HM13: variants seen among roughly 807,000 people sequenced by gnomAD.
The protein encoded by HM13 is signal peptide peptidase.
HM13 carries 18 observed loss-of-function variants against 50.0 expected under a neutral mutation model. The observed-to-expected ratio is 0.36, with a 90% CI of 0.25 to 0.53. The LOEUF (loss-of-function observed/expected upper bound fraction) is 0.53. HM13 is among the 20% of genes least tolerant of loss of function. The pLI, the probability that HM13 is intolerant of heterozygous loss-of-function variation, is 0.90. For synonymous variants in HM13, 197 were observed against 232.6 expected, an observed-to-expected ratio of 0.85 and a Z score of 1.39; for missense variants, 393 against 552.4, an observed-to-expected ratio of 0.71 and a Z score of 2.89.
At chr20:31,549,754 A>G (rs115342134) in intron 6 of HM13, among the ~76,000 whole-genome samples, 1,708 of 152,326 alleles carry the variant, frequency 0.011, 29 homozygotes, top group African/African-American at 0.04. Context: ...TCCTGGCCCC[A>G]GGCAGCCTCT....
intron 1 of HM13, among the ~76,000 whole-genome samples, chr20:31,522,265 C>G (rs1982210155): frequency 6.6e-6 from 1 of 152,054 alleles, no homozygotes; most frequent in Non-Finnish European, 1.5e-5. Flanking sequence ...TCCTTGTACA[C>G]AAAGCACACT....
intron 2 of HM13, among the ~76,000 whole-genome samples, chr20:31,534,421 C>T (rs912706429): frequency 1.3e-5 from 2 of 152,040 alleles, no homozygotes; most frequent in Non-Finnish European, 2.9e-5. Context: ...TTTGTTAGGG[C>T]TCAGGGTAGT....
At chr20:31,526,085 A>C (rs1465702624) in intron 1 of HM13, among the ~76,000 whole-genome samples, 2 of 152,088 alleles carry the variant, frequency 1.3e-5, no homozygotes, top group African/African-American at 4.8e-5. Context: ...AGATTGCACC[A>C]CTGCACTCCA....
At chr20:31,568,829 G>A (rs974083624) in intron 12 of HM13, among the ~76,000 whole-genome samples, 10 of 152,224 alleles carry the variant, frequency 6.6e-5, no homozygotes, top group Non-Finnish European at 1.5e-4. Context: ...GGTTCAGGAA[G>A]CTTGAAATCA....
At chr20:31,568,036 A>T in intron 11 of HM13, 42 bp from the exon 12 acceptor site, 3 of 1,498,810 alleles carry the variant, frequency 2.0e-6, no homozygotes, top group Non-Finnish European at 2.7e-6. Flanking sequence ...GTCTTTCCCT[A>T]TCCATCTCTT....
rs1218687106 is a variant in HM13, at chr20:31,569,518, C to G, written c.*299C>G. 3 of 259,690 alleles carry G rather than the reference C, an allele frequency of 1.2e-5. No homozygotes were observed. The highest frequency in any genetic ancestry group is 2.2e-5 in the Non-Finnish European group (3 of 134,046). 16.1% of individuals were successfully genotyped at this position (259,690 alleles called of 1,614,324 possible). A position where few individuals can be genotyped will look rare whatever the true frequency, so the allele number is the denominator to read the frequency against. ...TTTGTATTGTGGACTGATTTTGCCTCACATTAAAAACTCATCCCATGGCCA... is the reference window on the plus strand; with the variant it reads ...TTTGTATTGTGGACTGATTTTGCCTGACATTAAAAACTCATCCCATGGCCA... On this transcript the variant is annotated 3_prime_UTR_variant, in exon 13 of 13. Coordinates refer to ENST00000398174, the MANE Select transcript of HM13 (RefSeq NM_178581.3).
chr20:31,536,284 A>G (rs905929997), intron 2 of HM13, among the ~76,000 whole-genome samples: 2 of 152,086 alleles, frequency 1.3e-5, no homozygotes, highest in African/African-American at 2.4e-5. Flanking sequence ...AATCACTTGA[A>G]CCCAGGAGGT....
At chr20:31,563,142 G>A (rs548529215) in intron 10 of HM13, 1 of 152,482 alleles carries the variant, frequency 6.6e-6, no homozygotes, top group South Asian at 2.1e-4. Context: ...TGGGCCCTGG[G>A]TGGCGATCTG....
chr20:31,535,939 C>G (rs1487228063), intron 2 of HM13, among the ~76,000 whole-genome samples: 1 of 152,182 alleles, frequency 6.6e-6, no homozygotes, highest in Non-Finnish European at 1.5e-5. Flanking sequence ...AGGTGAACTG[C>G]CCAAGCCCCT....
At chr20:31,560,501 G>C (rs906749345) in intron 9 of HM13, among the ~76,000 whole-genome samples, 13 of 152,212 alleles carry the variant, frequency 8.5e-5, no homozygotes, top group Non-Finnish European at 5.9e-5. Context: ...TATTTGTGTA[G>C]TGCCACTTCA....
chr20:31,532,204 A>G (rs955970252), intron 2 of HM13, among the ~76,000 whole-genome samples: 2 of 151,930 alleles, frequency 1.3e-5, no homozygotes, highest in African/African-American at 4.8e-5. Flanking sequence ...AGGAGGGTGT[A>G]TCACGAGGTC....
chr20:31,545,225 C>T (rs1051909912), intron 4 of HM13, among the ~76,000 whole-genome samples, 190 bp downstream of exon 4: 7 of 152,144 alleles, frequency 4.6e-5, no homozygotes, highest in Admixed American at 2.6e-4. Flanking sequence ...CCTTACCTCT[C>T]TGAGCATTGG....
intron 7 of HM13, 90 bp downstream of exon 7, chr20:31,550,211 T>C: frequency 1.1e-6 from 1 of 918,076 alleles, no homozygotes; most frequent in Non-Finnish European, 1.8e-6. Flanking sequence ...CATCTCCCTA[T>C]CTCTTCCCCA....
intron 4 of HM13, chr20:31,547,530 A>C: frequency 1.2e-6 from 1 of 800,966 alleles, no homozygotes; most frequent in South Asian, 1.5e-5. Context: ...ATGAAAAGGA[A>C]AGTGTGTCCA....
Position 31,536,441 on chromosome 20 carries a change from G to A in HM13, c.283-1738G>A, listed in dbSNP as rs557742511. ...CATCACTTCCCCTCCATCCCCCCAAGCCAGGGCACCGTCCCCCTCTCCTGC... is the reference window on the plus strand; with the variant it reads ...CATCACTTCCCCTCCATCCCCCCAAACCAGGGCACCGTCCCCCTCTCCTGC... On this transcript the variant is annotated intron_variant, in intron 2 of 12. Transcript: ENST00000398174. Among the ~76,000 whole-genome samples the A allele has an allele frequency of 7.0e-4, 107 of 152,096 alleles. 1 individual carries two copies. In the East Asian group the frequency reaches 0.015, roughly 22 times the overall value.
At chr20:31,519,740 C>T (rs566680340) in intron 1 of HM13, among the ~76,000 whole-genome samples, 1 of 152,018 alleles carries the variant, frequency 6.6e-6, no homozygotes, top group Non-Finnish European at 1.5e-5. Flanking sequence ...TTTGCTATTA[C>T]AAACCATGCT....
chr20:31,550,397 G>A, intron 7 of HM13: 1 of 441,314 alleles, frequency 2.3e-6, no homozygotes, highest in South Asian at 2.8e-5. Context: ...CCCAGCCCGG[G>A]GGGCACGCGC....
Position 31,561,726 on chromosome 20 carries a change from A to G in HM13, c.938A>G (p.Lys313Arg). 2.5e-6 allele frequency: 4 copies of G among 1,607,502 alleles called. No individual in the cohort carries two copies. Among genetic ancestry groups the G allele is most frequent in the Non-Finnish European group, 2.6e-6 (3 of 1,173,956 alleles). The change falls in exon 10 of 13, where the codon AAG becomes AGG. Residue 313 changes from lysine to arginine, a missense_variant. Physicochemically the swap from Lys to Arg is conservative, Grantham distance 26. Transcript: ENST00000398174. ...GLTIFIMHIF[K>R]HAQPALLYLV... ...ACCATCTTCATCATGCACATCTTCA[A>G]GCATGCTCAGGTGGGCAGGACGGTA...
intron 4 of HM13, among the ~76,000 whole-genome samples, chr20:31,547,043 C>T (rs551052886): frequency 5.3e-5 from 8 of 152,328 alleles, no homozygotes; most frequent in African/African-American, 1.7e-4. Flanking sequence ...AGGATAGTGT[C>T]ATCACTCCAC....
Sources: allele counts gnomAD v4.1 joint callset (sites outside exome capture counted in the v4.1 genomes callset), GRCh38; gene constraint gnomAD v4.1.1; transcripts MANE v1.5; gene names NCBI Gene and HGNC (gene_info 2026-07-23, HGNC 2026-07-21).